DLST: variants seen among roughly 807,000 people sequenced by gnomAD.
DLST encodes the protein dihydrolipoyllysine-residue succinyltransferase component of 2-oxoglutarate dehydrogenase complex, mitochondrial.
Under a neutral mutation model 53.1 loss-of-function variants are expected in DLST, and 17 were observed. That is an observed-to-expected ratio of 0.32 (90% CI 0.22 to 0.48). The LOEUF (loss-of-function observed/expected upper bound fraction) is 0.48, where lower values mean the gene tolerates loss of function less well. Ranked by LOEUF, DLST falls within the 20% of genes least tolerant of loss-of-function variation. The probability of loss-of-function intolerance (pLI) is 0.99; values close to 1 mark genes in which losing one functional copy is unlikely to be tolerated. For missense variants in DLST, 512 were observed against 583.9 expected (o/e 0.88, Z 1.27); for synonymous variants, 206 against 204.8 (o/e 1.01, Z -0.05).
chr14:74,903,633 A>G lies in DLST; in HGVS notation c.*1303A>G, dbSNP rs927945548. Reference sequence around the variant, plus strand: ...GGGAGGGGGGAAGGGGTGGGAGCCAATACTGAGTGCCTGCAGCATCTACTA... The same window carrying G: ...GGGAGGGGGGAAGGGGTGGGAGCCAGTACTGAGTGCCTGCAGCATCTACTA... On this transcript the variant is annotated 3_prime_UTR_variant, in exon 15 of 15. Coordinates refer to ENST00000334220, the MANE Select transcript of DLST (RefSeq NM_001933.5). 12 of 152,018 alleles carry G rather than the reference A, an allele frequency of 7.9e-5. No individual in the cohort carries two copies. Among genetic ancestry groups the G allele is most frequent in the African/African-American group, 2.7e-4 (11 of 41,374 alleles). 9.4% of individuals were successfully genotyped at this position (152,018 alleles called of 1,614,324 possible).
chr14:74,886,181 T>G (rs1883697308), intron 3 of DLST, among the ~76,000 whole-genome samples: 1 of 152,254 alleles, frequency 6.6e-6, no homozygotes, highest in African/African-American at 2.4e-5. Flanking sequence ...CTGCTTTGCA[T>G]TCCAAGTGTT....
At chr14:74,885,724 T>G in intron 3 of DLST, 90 bp downstream of exon 3, 1 of 1,234,934 alleles carries the variant, frequency 8.1e-7, no homozygotes, top group Non-Finnish European at 1.1e-6. Context: ...ATTTCTTCAC[T>G]GGCCTCCAGA....
At position 74,891,375 on chromosome 14, in the gene DLST, T is replaced by C. The variant is rs1371213977; in HGVS notation, c.442+208T>C. On this transcript the variant is annotated intron_variant, in intron 7 of 14. Transcript: ENST00000334220. ...TGTATTTTTTAAAAAATAAACCTTA[T>C]ACTCTGTTCTTTCCATGGGTGTTTC... is the stretch of plus-strand genomic sequence containing the variant. 11 of 1,292,058 alleles carry C rather than the reference T, an allele frequency of 8.5e-6. No homozygotes were observed. The Admixed American group carries it at 1.7e-4, about 20-fold the overall frequency. The allele number at this position is 1,292,058 out of a possible 1,614,324, so 80.0% of individuals were successfully genotyped here. A position where few individuals can be genotyped will look rare whatever the true frequency, so the allele number is the denominator to read the frequency against.
rs755397855 is a variant in DLST at position 74,881,949 on chromosome 14, C to T, written c.-5C>T. 6 of 1,553,960 alleles carry T rather than the reference C, an allele frequency of 3.9e-6. No individual in the cohort carries two copies. In the South Asian group the frequency reaches 5.8e-5, roughly 15 times the overall value. On this transcript the variant is annotated 5_prime_UTR_variant, in exon 1 of 15. Coordinates refer to ENST00000334220, the MANE Select transcript of DLST (RefSeq NM_001933.5). ...TGTCCGCCCGCCCTCGGCTCCTCCG[C>T]CGTGATGCTGTCCCGATCCCGCTGT...
In DLST at chr14:74,885,628, A is replaced by G. The variant is rs926423403; in HGVS notation, c.140A>G (p.Lys47Arg). 6.2e-7 allele frequency: 1 copy of G among 1,613,116 alleles called. No individual in the cohort carries two copies. The highest frequency in any genetic ancestry group is 1.3e-5 in the African/African-American group (1 of 74,884). The change falls in exon 3 of 15, where the codon AAG (lysine) becomes AGG (arginine). Residue 47 changes from lysine (K) to arginine (R), a missense_variant. Coordinates refer to ENST00000334220, the MANE Select transcript of DLST (RefSeq NM_001933.5). ...GGACCAGGTTACCCTAACAGCAGGA[A>G]GGTTGTGTAAGTATCACTGGGGAGT... Reference protein sequence around the residue: ...CQGPGYPNSRKVVINNSVFSV... With the variant: ...CQGPGYPNSRRVVINNSVFSV...
At chr14:74,890,045 A>G in intron 6 of DLST, 93 bp downstream of exon 6, 1 of 988,276 alleles carries the variant, frequency 1.0e-6, no homozygotes, top group Non-Finnish European at 1.5e-6. Flanking sequence ...TTTAGAGATA[A>G]TTTTTAACTA....
Position 74,889,413 on chromosome 14 carries a change from G to A in DLST, c.274+64G>A. On this transcript the variant is annotated intron_variant, in intron 5 of 14. Transcript: ENST00000334220. ...GAGACAGAGTCTTGCTCTGTTCCCA[G>A]CCTGGAGTGCAGTGGTATGATCTCG... The A allele has an allele frequency of 8.3e-6, 11 of 1,332,894 alleles. No homozygotes were observed. The South Asian group carries it at 1.2e-4, about 14-fold the overall frequency. The allele number at this position is 1,332,894 out of a possible 1,614,324, so 82.6% of individuals were successfully genotyped here.
At position 74,891,337 on chromosome 14, in the gene DLST, T is replaced by C. The variant is rs1883900276; in HGVS notation, c.442+170T>C. 3.6e-6 allele frequency: 5 copies of C among 1,390,426 alleles called. No homozygotes were observed. In the South Asian group the frequency reaches 8.6e-5, roughly 24 times the overall value. 86.1% of individuals were successfully genotyped at this position (1,390,426 alleles called of 1,614,324 possible). On this transcript the variant is annotated intron_variant, in intron 7 of 14. Transcript: ENST00000334220. Reference sequence around the variant, plus strand: ...ATAGTGTGAACTTCAAATGTCAAATTCTAAAAGAAAAGTGTATTTTTTAAA... The same window carrying C: ...ATAGTGTGAACTTCAAATGTCAAATCCTAAAAGAAAAGTGTATTTTTTAAA...
At chr14:74,886,683 C>T (rs1221967833) in intron 3 of DLST, among the ~76,000 whole-genome samples, 1 of 151,830 alleles carries the variant, frequency 6.6e-6, no homozygotes, top group Non-Finnish European at 1.5e-5. Flanking sequence ...AATATGAATC[C>T]CGGTGTTATT....
At chr14:74,899,838 T>G in intron 11 of DLST, 85 bp from the exon 12 acceptor site, 1 of 1,103,528 alleles carries the variant, frequency 9.1e-7, no homozygotes, top group Non-Finnish European at 1.3e-6. Flanking sequence ...GCTCTGCAGA[T>G]TTTTACTCTG....
chr14:74,888,992 C>A, intron 3 of DLST, 103 bp from the exon 4 acceptor site: 1 of 1,188,858 alleles, frequency 8.4e-7, no homozygotes, highest in Non-Finnish European at 1.2e-6. Context: ...CACCCCTGGT[C>A]AAGAGTCACT....
intron 10 of DLST, among the ~76,000 whole-genome samples, chr14:74,895,622 G>C (rs1566793874): frequency 6.6e-6 from 1 of 152,104 alleles, no homozygotes; most frequent in Admixed American, 6.5e-5. Flanking sequence ...AGTGAGGGCT[G>C]GGTGCGGTGG....
intron 10 of DLST, 93 bp from the exon 11 acceptor site, chr14:74,898,276 A>G (rs1169571651): frequency 1.3e-6 from 2 of 1,489,100 alleles, no homozygotes; most frequent in Non-Finnish European, 1.8e-6. Context: ...GTGAGGGAAA[A>G]GCTCTCACCT....
intron 9 of DLST, 47 bp from the exon 10 acceptor site, chr14:74,894,265 A>T: frequency 1.2e-6 from 2 of 1,608,326 alleles, no homozygotes; most frequent in Non-Finnish European, 1.7e-6. Context: ...GGAATGCTTG[A>T]CCCAGAGAGA....
At chr14:74,900,598 T>A (rs1177658043) in intron 13 of DLST, among the ~76,000 whole-genome samples, 32 of 152,188 alleles carry the variant, frequency 2.1e-4, no homozygotes, top group Admixed American at 2.1e-3. Context: ...ATCTTTGAAG[T>A]CTTCAACTGT....
At chr14:74,898,345 G>T in intron 10 of DLST, 24 bp from the exon 11 acceptor site, 14 of 1,606,526 alleles carry the variant, frequency 8.7e-6, no homozygotes, top group Non-Finnish European at 1.2e-5. Context: ...TTTGTGGTCA[G>T]TTTGTTTTGT....
chr14:74,900,438 C>A, intron 13 of DLST, 66 bp downstream of exon 13: 1 of 1,446,426 alleles, frequency 6.9e-7, no homozygotes, highest in Non-Finnish European at 9.7e-7. Flanking sequence ...GAAGGCTGGG[C>A]TCACTAGCAA....
rs1350325109 is a variant in DLST, at chr14:74,898,368, G to A, written c.771-1G>A. 2 of 1,610,166 alleles carry A rather than the reference G, an allele frequency of 1.2e-6. No homozygotes were observed. On this transcript the variant is annotated splice_acceptor_variant, in intron 10 of 14. Transcript: ENST00000334220. LOFTEE classifies it high-confidence loss of function. ...CAGTTTGTTTTGTAATATTTTCACAGTAACATCCAGGAGATGAGGGCTCGG... is the reference window on the plus strand; with the variant it reads ...CAGTTTGTTTTGTAATATTTTCACAATAACATCCAGGAGATGAGGGCTCGG...
intron 3 of DLST, among the ~76,000 whole-genome samples, chr14:74,887,142 A>G (rs1457285142): frequency 1.3e-5 from 2 of 152,214 alleles, no homozygotes; most frequent in African/African-American, 4.8e-5. Context: ...AAATATTATC[A>G]GATTTATCTT....
Sources: allele counts gnomAD v4.1 joint callset (sites outside exome capture counted in the v4.1 genomes callset), GRCh38; gene constraint gnomAD v4.1.1; transcripts MANE v1.5; gene names NCBI Gene and HGNC (gene_info 2026-07-23, HGNC 2026-07-21).